The following ATP10B variants were observed in gnomAD, a reference collection of about 807,000 sequenced individuals.
The protein encoded by ATP10B is ATPase phospholipid transporting 10B (putative).
ATP10B carries 122 observed loss-of-function variants against 141.2 expected under a neutral mutation model. The ratio of observed to expected loss-of-function variants is 0.86; its 90% CI spans 0.75 to 1.00. The LOEUF (loss-of-function observed/expected upper bound fraction) is 1.00, where lower values mean the gene tolerates loss of function less well. Among genes scored for constraint, ATP10B ranks in the 50% least tolerant of loss-of-function variants. ATP10B has a pLI of 0.00. For synonymous variants in ATP10B, 685 were observed against 692.0 expected, an observed-to-expected ratio of 0.99 and a Z score of 0.16; for missense variants, 1,876 against 1,825.3, an observed-to-expected ratio of 1.03 and a Z score of -0.51.
chr5:160,640,527 G>T lies in ATP10B; in HGVS notation c.934C>A (p.Arg312Ser), dbSNP rs754223933. The change falls in exon 10 of 26, where the codon CGC becomes AGC. Residue 312 changes from arginine (R) to serine (S), a missense_variant. Physicochemically the swap from Arg to Ser is moderately radical, Grantham distance 110. Transcript: ENST00000327245. ...PRYKRSKIER[R>S]MNIDIFFCIG... ...CAGAAGAAGATGTCTATATTCATGC[G>T]CCGCTCAATCTTGCTGCGTTTGTAC... 6.2e-7 allele frequency: 1 copy of T among 1,614,072 alleles called. No homozygotes were observed. The highest frequency in any genetic ancestry group is 1.1e-5 in the South Asian group (1 of 91,082).
intron 2 of ATP10B, among the ~76,000 whole-genome samples, chr5:160,745,427 A>G (rs1456417328): frequency 6.6e-6 from 1 of 152,218 alleles, no homozygotes; most frequent in East Asian, 1.9e-4. Flanking sequence ...CTGATGCAGT[A>G]TTCAGGAGGG....
At chr5:160,746,429 T>C (rs1318164895) in intron 2 of ATP10B, among the ~76,000 whole-genome samples, 1 of 152,124 alleles carries the variant, frequency 6.6e-6, no homozygotes, top group East Asian at 1.9e-4. Flanking sequence ...TCTTGCTCTA[T>C]TGCCCAGGCT....
intron 2 of ATP10B, among the ~76,000 whole-genome samples, chr5:160,783,939 C>T (rs1302477904): frequency 6.6e-6 from 1 of 152,068 alleles, no homozygotes; most frequent in Non-Finnish European, 1.5e-5. Context: ...TGCAGAAGGA[C>T]TTGCCTCTAT....
At chr5:160,622,265 A>G in intron 14 of ATP10B, 129 bp downstream of exon 14, 2 of 876,060 alleles carry the variant, frequency 2.3e-6, no homozygotes, top group Non-Finnish European at 3.4e-6. Flanking sequence ...TTTCACTGTG[A>G]TGAAATGACA....
intron 2 of ATP10B, among the ~76,000 whole-genome samples, chr5:160,722,426 T>G (rs1766056713): frequency 6.6e-6 from 1 of 152,200 alleles, no homozygotes; most frequent in Admixed American, 6.5e-5. Flanking sequence ...ACTGGGTTGT[T>G]TTAGCACCAC....
At chr5:160,685,188 T>G in intron 6 of ATP10B, 2 of 618,548 alleles carry the variant, frequency 3.2e-6, no homozygotes, top group Non-Finnish European at 5.8e-6. Context: ...TGTCTTCTTT[T>G]CTTTTCCACC....
intron 2 of ATP10B, among the ~76,000 whole-genome samples, chr5:160,784,536 AGTT>A (rs531152473): frequency 5.3e-5 from 8 of 152,226 alleles, no homozygotes; most frequent in East Asian, 1.9e-4. Flanking sequence ...TGTTATTTGT[AGTT>A]GTTGTTGTTG....
the ATP10B span, among the ~76,000 whole-genome samples, chr5:160,861,710 C>G: frequency 6.6e-6 from 1 of 151,858 alleles, no homozygotes; most frequent in East Asian, 1.9e-4. Flanking sequence ...TATAATCCCT[C>G]TATTTGTATA....
chr5:160,785,684 A>T lies in ATP10B; in HGVS notation c.-456T>A, dbSNP rs78478092. On this transcript the variant is annotated 5_prime_UTR_variant, in exon 2 of 26. Coordinates refer to ENST00000327245, the MANE Select transcript of ATP10B (RefSeq NM_025153.3). ...GTAGTTTCTCATCTTGGCAGTGGAG[A>T]GGAGTTCATTATCTCCACTGAGTGA... 3.1e-3 allele frequency: 4,032 copies of T among 1,287,958 alleles called. 101 individuals carry two copies. The African/African-American group carries it at 0.056, about 18-fold the overall frequency. The allele number at this position is 1,287,958 out of a possible 1,614,324, so 79.8% of individuals were successfully genotyped here. A position where few individuals can be genotyped will look rare whatever the true frequency, so the allele number is the denominator to read the frequency against.
chr5:160,663,357 C>T (rs1762074652), intron 7 of ATP10B, among the ~76,000 whole-genome samples: 1 of 152,146 alleles, frequency 6.6e-6, no homozygotes, highest in Non-Finnish European at 1.5e-5. Flanking sequence ...TATTACAGCA[C>T]TATTCACAAT....
At chr5:160,891,404 G>A in the ATP10B span, among the ~76,000 whole-genome samples, 1 of 152,048 alleles carries the variant, frequency 6.6e-6, no homozygotes, top group Admixed American at 6.6e-5. Flanking sequence ...TCCAATGCAT[G>A]ACCTGCTTTT....
At chr5:160,829,436 C>CT (rs373178355) in intron 1 of ATP10B, among the ~76,000 whole-genome samples, 1 of 152,020 alleles carries the variant, frequency 6.6e-6, no homozygotes, top group South Asian at 2.1e-4. Context: ...TATTTGCACT[C>CT]TTTTTTTGGT....
At chr5:160,751,503 T>TGG (rs1246777557) in intron 2 of ATP10B, among the ~76,000 whole-genome samples, 2 of 152,038 alleles carry the variant, frequency 1.3e-5, no homozygotes, top group Non-Finnish European at 2.9e-5. Flanking sequence ...CTTTCTCTGT[T>TGG]GGGGGAAAGC....
At chr5:160,805,096 T>G (rs966882208) in intron 1 of ATP10B, among the ~76,000 whole-genome samples, 11 of 152,258 alleles carry the variant, frequency 7.2e-5, no homozygotes, top group Non-Finnish European at 1.5e-4. Flanking sequence ...GTGACGTGTT[T>G]AGAATAGTGC....
At chr5:160,656,203 G>C (rs1037813363) in intron 7 of ATP10B, among the ~76,000 whole-genome samples, 1 of 152,160 alleles carries the variant, frequency 6.6e-6, no homozygotes, top group African/African-American at 2.4e-5. Context: ...ATGGATAGCT[G>C]TTTTCTGGCT....
intron 2 of ATP10B, among the ~76,000 whole-genome samples, chr5:160,755,583 A>G (rs1768468679): frequency 1.3e-5 from 2 of 150,510 alleles, no homozygotes; most frequent in Admixed American, 6.6e-5. Context: ...TGGGAGGCCG[A>G]GGCGGGCGGA....
the ATP10B span, among the ~76,000 whole-genome samples, chr5:160,901,515 CT>C: frequency 6.6e-6 from 1 of 152,038 alleles, no homozygotes; most frequent in African/African-American, 2.4e-5. Context: ...TGAGGCCTCC[CT>C]AGCTTATGGG....
intron 1 of ATP10B, among the ~76,000 whole-genome samples, chr5:160,815,389 A>G (rs1357410046): frequency 6.6e-6 from 1 of 152,234 alleles, no homozygotes; most frequent in African/African-American, 2.4e-5. Context: ...AAAGAGAAAA[A>G]GAAGCCCATT....
At chr5:160,780,201 G>A (rs548797568) in intron 2 of ATP10B, among the ~76,000 whole-genome samples, 1 of 152,176 alleles carries the variant, frequency 6.6e-6, no homozygotes, top group East Asian at 1.9e-4. Flanking sequence ...GAGAGAGACT[G>A]AGAGTACTGG....
Sources: allele counts gnomAD v4.1 joint callset (sites outside exome capture counted in the v4.1 genomes callset), GRCh38; gene constraint gnomAD v4.1.1; transcripts MANE v1.5; gene names NCBI Gene and HGNC (gene_info 2026-07-23, HGNC 2026-07-21).